Variants in ZNF135 observed in about 807,000 individuals in gnomAD.
ZNF135 encodes the protein zinc finger protein 135.
Under a neutral mutation model 12.3 loss-of-function variants are expected in ZNF135, and 11 were observed. The ratio of observed to expected loss-of-function variants is 0.89; its 90% CI spans 0.56 to 1.48. The LOEUF (loss-of-function observed/expected upper bound fraction) is 1.48, where lower values mean the gene tolerates loss of function less well. Among genes scored for constraint, ZNF135 ranks in the 40% most tolerant of loss-of-function variants. The pLI, the probability that ZNF135 is intolerant of heterozygous loss-of-function variation, is 0.00. For missense variants in ZNF135, 722 were observed against 815.7 expected (o/e 0.89, Z 1.40); for synonymous variants, 316 against 312.0 (o/e 1.01, Z -0.14).
rs1347925730 is a variant in ZNF135, at chr19:58,063,528, A to G, written c.243A>G (p.Gln81=). The G allele has an allele frequency of 3.1e-6, 5 of 1,613,982 alleles. No homozygotes were observed. Among genetic ancestry groups the G allele is most frequent in the Non-Finnish European group, 4.2e-6 (5 of 1,179,994 alleles). ...ELWAVESRLP[Q]GVYPDLETRP... The stretch of plus-strand genomic sequence containing the variant: ...GGGCGGTGGAGTCTAGACTTCCCCA[A>G]GGCGTGTACCCAGGTGAGATGGGAG... The change falls in exon 4 of 5, where the codon CAA becomes CAG. Residue 81 remains glutamine, a synonymous_variant. Coordinates refer to ENST00000313434, the MANE Select transcript of ZNF135 (RefSeq NM_001289401.2). The surrounding 1 kb of genome is among the most constrained non-coding windows in gnomAD (Gnocchi z 4.4).
chr19:58,066,667 C>T (rs771897867), intron 4 of ZNF135, 74 bp from the exon 5 acceptor site: 1 of 1,566,490 alleles, frequency 6.4e-7, no homozygotes, highest in South Asian at 1.2e-5. Context: ...TATCCTTCCT[C>T]TTCCCATCTC....
At chr19:58,061,758 G>C in intron 3 of ZNF135, 52 bp downstream of exon 3, 2 of 1,550,734 alleles carry the variant, frequency 1.3e-6, no homozygotes, top group Non-Finnish European at 1.7e-6. Context: ...CACGGATTCT[G>C]ATTCTACCAG....
rs1056733647 is a variant in ZNF135 at position 58,060,181 on chromosome 19, C to T, written c.33+146C>T. The T allele has an allele frequency of 9.1e-5, 138 of 1,515,470 alleles. 1 individual carries two copies. The highest frequency in any genetic ancestry group is 6.9e-4 in the Middle Eastern group (4 of 5,804). 93.9% of individuals were successfully genotyped at this position (1,515,470 alleles called of 1,614,324 possible). ...TGTGCCCGGCCCCTACTTGCGTGCC[C>T]GGCCCCTACTCGTGCCCGGCCTCTA... On this transcript the variant is annotated intron_variant, in intron 2 of 4. Coordinates refer to ENST00000313434, the MANE Select transcript of ZNF135 (RefSeq NM_001289401.2). This position sits in a 1 kb window ranked among gnomAD's most constrained non-coding sequence, Gnocchi z 4.9.
chr19:58,064,906 T>C (rs2074041124), intron 4 of ZNF135, among the ~76,000 whole-genome samples: 1 of 152,078 alleles, frequency 6.6e-6, no homozygotes, highest in South Asian at 2.1e-4. Flanking sequence ...AACAAAGTGT[T>C]AACTATTTAT....
rs1342605342 is a variant in ZNF135 at position 58,068,751 on chromosome 19, A to C, written c.*290A>C. On this transcript the variant is annotated 3_prime_UTR_variant, in exon 5 of 5. Coordinates refer to ENST00000313434, the MANE Select transcript of ZNF135 (RefSeq NM_001289401.2). ...TTAGTGCTATGTTATAGAACCTACA[A>C]AAAAGAAATGGAACAAATGTAGTGG... 3.2e-6 allele frequency: 1 copy of C among 310,184 alleles called. No homozygotes were observed. The highest frequency in any genetic ancestry group is 2.1e-5 in the African/African-American group (1 of 47,320). 19.2% of individuals were successfully genotyped at this position (310,184 alleles called of 1,614,324 possible).
intron 4 of ZNF135, among the ~76,000 whole-genome samples, 198 bp from the exon 5 acceptor site, chr19:58,066,543 T>A (rs954174016): frequency 6.6e-6 from 1 of 152,198 alleles, no homozygotes; most frequent in Non-Finnish European, 1.5e-5. Flanking sequence ...TCCTTATTCC[T>A]TATTTTCCTC....
In ZNF135 at chr19:58,063,694, A is replaced by G; in HGVS notation, c.256+153A>G. ...CACCCATTTTGCTGTGAGTGACGAC[A>G]CCACGTCCTCATCTCCACTGAATTT... On this transcript the variant is annotated intron_variant, in intron 4 of 4. Transcript: ENST00000313434. The surrounding 1 kb of genome is among the most constrained non-coding windows in gnomAD (Gnocchi z 4.4). 7.0e-7 allele frequency: 1 copy of G among 1,424,602 alleles called. No homozygotes were observed. Among genetic ancestry groups the G allele is most frequent in the Non-Finnish European group, 9.2e-7 (1 of 1,087,454 alleles). 88.2% of individuals were successfully genotyped at this position (1,424,602 alleles called of 1,614,324 possible).
intron 4 of ZNF135, among the ~76,000 whole-genome samples, chr19:58,064,705 C>T (rs2074037261): frequency 1.4e-5 from 2 of 142,714 alleles, no homozygotes; most frequent in Admixed American, 7.3e-5. Context: ...CATGGTGAAA[C>T]CCCGTCTCTA....
intron 3 of ZNF135, among the ~76,000 whole-genome samples, chr19:58,062,608 G>A (rs1215278524): frequency 1.3e-5 from 2 of 150,122 alleles, no homozygotes; most frequent in South Asian, 4.2e-4. Context: ...AGCCAGGATG[G>A]TCTCGATCTC....
chr19:58,064,609 C>A (rs1313460233), intron 4 of ZNF135, among the ~76,000 whole-genome samples: 2 of 151,744 alleles, frequency 1.3e-5, no homozygotes, highest in East Asian at 3.9e-4. Context: ...GGGCTGGGAG[C>A]AGTGGCTCAC....
intron 2 of ZNF135, among the ~76,000 whole-genome samples, chr19:58,061,001 G>A (rs11668843): frequency 1.3e-5 from 2 of 151,648 alleles, no homozygotes; most frequent in African/African-American, 2.4e-5. Context: ...GGTGGCGGGC[G>A]CCTGTAGTCC....
In ZNF135 at chr19:58,060,930, T is replaced by G. The variant is rs1025752367; in HGVS notation, c.34-650T>G. On this transcript the variant is annotated intron_variant, in intron 2 of 4. Coordinates refer to ENST00000313434, the MANE Select transcript of ZNF135 (RefSeq NM_001289401.2). This position sits in a 1 kb window ranked among gnomAD's most constrained non-coding sequence, Gnocchi z 4.9. ...TCACGAGGTCAGGAGATCGAGACCA[T>G]CCTGGCGAACACGGTGAAACCCCGT... is the stretch of plus-strand genomic sequence containing the variant. Among the ~76,000 whole-genome samples the G allele has an allele frequency of 6.6e-6, 1 of 151,948 alleles. No homozygotes were observed. The highest frequency in any genetic ancestry group is 2.1e-4 in the South Asian group (1 of 4,814).
rs773384638 is a variant in ZNF135 at position 58,061,709 on chromosome 19, A to G, written c.160+3A>G. ...CTTCAGGCTTCTGGTCTCTGTGGGT[A>G]AGGCCACACCCATGTCCTATCTGTT... On this transcript the variant is annotated splice_donor_region_variant and intron_variant, in intron 3 of 4. Coordinates refer to ENST00000313434, the MANE Select transcript of ZNF135 (RefSeq NM_001289401.2). The G allele has an allele frequency of 3.1e-6, 5 of 1,611,552 alleles. No individual in the cohort carries two copies. In the African/African-American group the frequency reaches 4.0e-5, roughly 13 times the overall value.
chr19:58,063,805 A>G lies in ZNF135; in HGVS notation c.256+264A>G, dbSNP rs2074023161. 5 of 707,804 alleles carry G rather than the reference A, an allele frequency of 7.1e-6. No individual in the cohort carries two copies. Among genetic ancestry groups the G allele is most frequent in the Non-Finnish European group, 8.7e-6 (5 of 576,644 alleles). 43.8% of individuals were successfully genotyped at this position (707,804 alleles called of 1,614,324 possible). ...ACAAGTTGGATGATTACAGATTGTG[A>G]TGAATGCCGAGAAAATGAAAATGAG... On this transcript the variant is annotated intron_variant, in intron 4 of 4. Coordinates refer to ENST00000313434, the MANE Select transcript of ZNF135 (RefSeq NM_001289401.2). The surrounding 1 kb of genome is among the most constrained non-coding windows in gnomAD (Gnocchi z 4.4).
chr19:58,062,649 C>T (rs2074002027), intron 3 of ZNF135, among the ~76,000 whole-genome samples: 1 of 151,946 alleles, frequency 6.6e-6, no homozygotes, highest in South Asian at 2.1e-4. Context: ...CCTTAGCCTC[C>T]CAAAGTGCTG....
chr19:58,060,012 G>A lies in ZNF135; in HGVS notation c.10G>A (p.Gly4Arg). MTP[G>R]VRVSTDPEQV... ...TGCCAGAAGCCAGGGCATGACCCCT[G>A]GGGTGCGCGTCTCCACAGACCCGGT... The change falls in exon 2 of 5, where the codon GGG becomes AGG. Residue 4 changes from glycine to arginine, a missense_variant. Transcript: ENST00000313434. This position sits in a 1 kb window ranked among gnomAD's most constrained non-coding sequence, Gnocchi z 4.9. 11 of 1,613,490 alleles carry A rather than the reference G, an allele frequency of 6.8e-6. No homozygotes were observed. The highest frequency in any genetic ancestry group is 9.3e-6 in the Non-Finnish European group (11 of 1,179,844).
chr19:58,067,194 C>G lies in ZNF135; in HGVS notation c.710C>G (p.Thr237Arg), dbSNP rs1599931074. The change falls in exon 5 of 5, where the codon ACA (threonine) becomes AGA (arginine). Residue 237 changes from threonine (T) to arginine (R), a missense_variant. Physicochemically the swap from Thr to Arg is moderately conservative, Grantham distance 71. Coordinates refer to ENST00000313434, the MANE Select transcript of ZNF135 (RefSeq NM_001289401.2). ...SALIEHHRTH[T>R]GERPYECHEC... is the part of the protein sequence containing the mutation. ...CTTATCGAACACCACCGGACGCACA[C>G]AGGAGAGAGACCTTACGAATGTCAC... 1.2e-6 allele frequency: 2 copies of G among 1,614,088 alleles called. No individual in the cohort carries two copies. Among genetic ancestry groups the G allele is most frequent in the Non-Finnish European group, 1.7e-6 (2 of 1,179,942 alleles).
In ZNF135 at chr19:58,066,881, T is replaced by G; in HGVS notation, c.397T>G (p.Trp133Gly). The change falls in exon 5 of 5, where the codon TGG becomes GGG. Residue 133 changes from tryptophan (W) to glycine (G), a missense_variant. Trp to Gly is a radical substitution (Grantham distance 184, BLOSUM62 -2). Transcript: ENST00000313434. ...CAGGGGTGAGGACACTGAGGGCCAC[T>G]GGGAATGGAGTTGTGAGAGTCTAGA... ...YCRGEDTEGH[W>G]EWSCESLESL... is the part of the protein sequence containing the mutation. 6.2e-7 allele frequency: 1 copy of G among 1,614,168 alleles called. No homozygotes were observed. The highest frequency in any genetic ancestry group is 8.5e-7 in the Non-Finnish European group (1 of 1,180,028).
chr19:58,067,182 A>G lies in ZNF135; in HGVS notation c.698A>G (p.His233Arg). ...FSHSSALIEH[H>R]RTHTGERPYE... ...CACAGCTCAGCACTTATCGAACACC[A>G]CCGGACGCACACAGGAGAGAGACCT... The change falls in exon 5 of 5, where the codon CAC (histidine) becomes CGC (arginine). Residue 233 changes from histidine to arginine, a missense_variant. Physicochemically the swap from His to Arg is conservative, Grantham distance 29. Coordinates refer to ENST00000313434, the MANE Select transcript of ZNF135 (RefSeq NM_001289401.2). The G allele has an allele frequency of 6.2e-7, 1 of 1,614,082 alleles. No individual in the cohort carries two copies. Among genetic ancestry groups the G allele is most frequent in the Non-Finnish European group, 8.5e-7 (1 of 1,179,924 alleles).
Sources: allele counts gnomAD v4.1 joint callset (sites outside exome capture counted in the v4.1 genomes callset), GRCh38; gene constraint gnomAD v4.1.1; non-coding constraint Gnocchi (gnomAD v3.1); transcripts MANE v1.5; gene names NCBI Gene and HGNC (gene_info 2026-07-23, HGNC 2026-07-21).